The following AFDN variants were observed in gnomAD, a reference collection of about 807,000 sequenced individuals.
AFDN encodes afadin.
AFDN carries 68 observed loss-of-function variants against 216.6 expected under a neutral mutation model. The observed-to-expected ratio is 0.31, with a 90% confidence interval of 0.26 to 0.38. The LOEUF is 0.38. Among genes scored for constraint, AFDN ranks in the 10% least tolerant of loss-of-function variants. The pLI is 1.00. For missense variants in AFDN, 2,136 were observed against 2,342.0 expected, an observed-to-expected ratio of 0.91 and a Z score of 1.82; for synonymous variants, 868 against 853.7, an observed-to-expected ratio of 1.02 and a Z score of -0.29.
chr6:167,883,432 G>A (rs1290428911), intron 6 of AFDN, among the ~76,000 whole-genome samples: 1 of 152,172 alleles, frequency 6.6e-6, no homozygotes, highest in African/African-American at 2.4e-5. Flanking sequence ...ACTAAGGAAT[G>A]CTTCTACCAC....
In AFDN at chr6:167,946,760, C is replaced by T; in HGVS notation, c.3412C>T (p.Leu1138Phe). 6.2e-7 allele frequency: 1 copy of T among 1,614,022 alleles called. No homozygotes were observed. Among genetic ancestry groups the T allele is most frequent in the East Asian group, 2.2e-5 (1 of 44,852 alleles). The change falls in exon 27 of 34, where the codon CTC (leucine) becomes TTC (phenylalanine). Residue 1138 changes from leucine (L) to phenylalanine (F), a missense_variant. Physicochemically the swap from Leu to Phe is conservative, Grantham distance 22 (BLOSUM62 0). Coordinates refer to ENST00000683244, the MANE Select transcript of AFDN (RefSeq NM_001386888.1). ...CCGACCAAAGAGTGAAGGCTTTGAG[C>T]TCTATAATAATTCAACTCAAAATGG... ...KPRPKSEGFE[L>F]YNNSTQNGSP...
chr6:167,885,997 C>A (rs1029366937), intron 6 of AFDN, among the ~76,000 whole-genome samples: 2 of 151,948 alleles, frequency 1.3e-5, no homozygotes, highest in Non-Finnish European at 2.9e-5. Flanking sequence ...AGACTTTTAA[C>A]ATGTGTTATA....
At chr6:167,870,101 C>CT (rs1784630822) in intron 2 of AFDN, among the ~76,000 whole-genome samples, 1 of 152,128 alleles carries the variant, frequency 6.6e-6, no homozygotes, top group Non-Finnish European at 1.5e-5. Context: ...ACCATGTATA[C>CT]TTTTTTTCTT....
Position 167,951,651 on chromosome 6 carries a change from C to T in AFDN, c.4297C>T (p.Leu1433=). The change falls in exon 30 of 34, where the codon CTG becomes TTG. Residue 1433 remains leucine, a synonymous_variant. Coordinates refer to ENST00000683244, the MANE Select transcript of AFDN (RefSeq NM_001386888.1). The surrounding 1 kb of genome is among the most constrained non-coding windows in gnomAD (Gnocchi z 7.1). ...QRWYEKEKAR[L]EEERERKRRE... ...TTGGTATGAGAAGGAGAAGGCCCGC[C>T]TGGAGGAGGAGCGGGAGAGGAAGCG... 2 of 1,614,018 alleles carry T rather than the reference C, an allele frequency of 1.2e-6. No homozygotes were observed. The highest frequency in any genetic ancestry group is 1.1e-5 in the South Asian group (1 of 91,038).
At chr6:167,932,449 A>C (rs73258748) in intron 23 of AFDN, among the ~76,000 whole-genome samples, 7,533 of 152,252 alleles carry the variant, frequency 0.049, 634 homozygotes, top group African/African-American at 0.17. Context: ...TGGATTTTAA[A>C]ATTACAAACA....
intron 1 of AFDN, among the ~76,000 whole-genome samples, chr6:167,848,297 T>C (rs997402680): frequency 6.6e-6 from 1 of 152,202 alleles, no homozygotes; most frequent in Non-Finnish European, 1.5e-5. Flanking sequence ...ATTACTATTA[T>C]TTACATTTCT....
chr6:167,887,069 T>G lies in AFDN; in HGVS notation c.898-2146T>G, dbSNP rs1562611122. Among the ~76,000 whole-genome samples the G allele has an allele frequency of 2.0e-5, 3 of 150,946 alleles. No individual in the cohort carries two copies. In the South Asian group the frequency reaches 6.3e-4, roughly 32 times the overall value. ...TGTTGCATCTGATACCTGGTGTTGC[T>G]CCAGTATTTGCCAAGGGAATGTTGA... On this transcript the variant is annotated intron_variant, in intron 6 of 33. Coordinates refer to ENST00000683244, the MANE Select transcript of AFDN (RefSeq NM_001386888.1).
chr6:167,914,073 T>G (rs937969568), intron 16 of AFDN, 95 bp from the exon 17 acceptor site: 75 of 1,350,664 alleles, frequency 5.6e-5, no homozygotes, highest in Non-Finnish European at 7.4e-5. Flanking sequence ...GGGAAGGTAC[T>G]GGTCTATCTT....
At chr6:167,920,234 G>A (rs529370511) in intron 21 of AFDN, among the ~76,000 whole-genome samples, 1 of 152,230 alleles carries the variant, frequency 6.6e-6, no homozygotes, top group African/African-American at 2.4e-5. Flanking sequence ...CACCTGTGAC[G>A]AGGTTGGGGA....
chr6:167,902,596 A>G lies in AFDN; in HGVS notation c.1650+210A>G, dbSNP rs545732705. On this transcript the variant is annotated intron_variant, in intron 12 of 33. Coordinates refer to ENST00000683244, the MANE Select transcript of AFDN (RefSeq NM_001386888.1). ...TACCTGTGATAAAGTTTAATTTATA[A>G]AATAAGCACACTAAGACATTAACAA... 3.9e-5 allele frequency among the ~76,000 whole-genome samples: 6 copies of G among 152,334 alleles called. No homozygotes were observed. The South Asian group carries it at 1.2e-3, about 32-fold the overall frequency.
intron 21 of AFDN, among the ~76,000 whole-genome samples, 162 bp from the exon 22 acceptor site, chr6:167,922,694 A>C (rs1358669680): frequency 6.6e-6 from 1 of 152,214 alleles, no homozygotes; most frequent in Non-Finnish European, 1.5e-5. Context: ...CAAATGGATA[A>C]TTTTAAATGT....
At chr6:167,866,751 C>T (rs1023756668) in intron 2 of AFDN, among the ~76,000 whole-genome samples, 5 of 152,106 alleles carry the variant, frequency 3.3e-5, no homozygotes, top group African/African-American at 7.2e-5. Context: ...TATGTGATGC[C>T]GACAGAAGAG....
At chr6:167,877,568 T>C (rs1366625011) in intron 5 of AFDN, among the ~76,000 whole-genome samples, 4 of 152,184 alleles carry the variant, frequency 2.6e-5, no homozygotes, top group Non-Finnish European at 4.4e-5. Flanking sequence ...AGGAAACTCT[T>C]AACTAAATAT....
intron 1 of AFDN, among the ~76,000 whole-genome samples, chr6:167,855,663 G>C (rs1013488054): frequency 3.3e-5 from 5 of 152,012 alleles, no homozygotes; most frequent in African/African-American, 1.2e-4. Flanking sequence ...TAACAACTGT[G>C]GTTGATTTTT....
intron 1 of AFDN, among the ~76,000 whole-genome samples, chr6:167,849,329 T>C (rs577441640): frequency 7.6e-4 from 115 of 152,310 alleles, no homozygotes; most frequent in Non-Finnish European, 1.3e-3. Flanking sequence ...GGGGAGAGAT[T>C]TCCAGCAACA....
At chr6:167,947,473 C>CT (rs1795455377) in intron 27 of AFDN, among the ~76,000 whole-genome samples, 1 of 152,058 alleles carries the variant, frequency 6.6e-6, no homozygotes, top group Non-Finnish European at 1.5e-5. Context: ...GCCACCATGC[C>CT]CAGCCAATAT....
intron 1 of AFDN, among the ~76,000 whole-genome samples, chr6:167,833,579 T>A (rs1454221797): frequency 2.0e-5 from 3 of 152,258 alleles, no homozygotes; most frequent in Admixed American, 6.5e-5. Flanking sequence ...TGTTTGCTCA[T>A]AGTGGTACTT....
chr6:167,849,096 T>A (rs1369773569), intron 1 of AFDN, among the ~76,000 whole-genome samples: 2 of 152,186 alleles, frequency 1.3e-5, no homozygotes, highest in Non-Finnish European at 2.9e-5. Context: ...CCCCGTTTCT[T>A]CATCTGTAAG....
At chr6:167,881,139 C>T (rs1160052044) in intron 6 of AFDN, among the ~76,000 whole-genome samples, 1 of 152,150 alleles carries the variant, frequency 6.6e-6, no homozygotes. Flanking sequence ...ATTCTCTCAG[C>T]AGTGTTTCAT....
Sources: allele counts gnomAD v4.1 joint callset (sites outside exome capture counted in the v4.1 genomes callset), GRCh38; gene constraint gnomAD v4.1.1; non-coding constraint Gnocchi (gnomAD v3.1); transcripts MANE v1.5; gene names NCBI Gene and HGNC (gene_info 2026-07-23, HGNC 2026-07-21).